Variants in TMEM132D observed in about 807,000 individuals in gnomAD.
TMEM132D encodes mature OL transmembrane protein.
Under a neutral mutation model 62.3 loss-of-function variants are expected in TMEM132D, and 21 were observed. That is an observed-to-expected ratio of 0.34 (90% CI 0.24 to 0.49). TMEM132D has a LOEUF of 0.49. Among genes scored for constraint, TMEM132D ranks in the 20% least tolerant of loss-of-function variants. TMEM132D has a pLI of 0.99. For missense variants in TMEM132D, 1,346 were observed against 1,402.8 expected (o/e 0.96, Z 0.65); for synonymous variants, 621 against 575.6 (o/e 1.08, Z -1.13).
In TMEM132D at chr12:129,861,941, A is replaced by G. The variant is rs975364735; in HGVS notation, c.79+41320T>C. ...ACCCAGACCCAAGACTCTTGACTTA[A>G]CTGCTCCTGTAGCCACACCCAACAC... On this transcript the variant is annotated intron_variant, in intron 1 of 8. Coordinates refer to ENST00000422113, the MANE Select transcript of TMEM132D (RefSeq NM_133448.3). 3.9e-5 allele frequency among the ~76,000 whole-genome samples: 6 copies of G among 151,976 alleles called. No individual in the cohort carries two copies. The South Asian group carries it at 8.3e-4, about 21-fold the overall frequency.
At chr12:129,591,805 G>T (rs574279080) in intron 2 of TMEM132D, among the ~76,000 whole-genome samples, 1 of 152,012 alleles carries the variant, frequency 6.6e-6, no homozygotes, top group African/African-American at 2.4e-5. Context: ...GAAGAATTTT[G>T]AGTTTGAGAG....
Position 129,074,519 on chromosome 12 carries a change from T to C in TMEM132D, c.2656A>G (p.Thr886Ala). 4 of 1,614,046 alleles carry C rather than the reference T, an allele frequency of 2.5e-6. No homozygotes were observed. The highest frequency in any genetic ancestry group is 3.4e-6 in the Non-Finnish European group (4 of 1,180,012). ...SHLQTIPSDL[T>A]SFPAQVDLPR... Reference sequence around the variant, plus strand: ...AGGTCCACCTGGGCTGGGAAGCTGGTGAGGTCGCTGGGGATGGTCTGCAAG... The same window carrying C: ...AGGTCCACCTGGGCTGGGAAGCTGGCGAGGTCGCTGGGGATGGTCTGCAAG... Residue 886 changes from threonine (T) to alanine (A), a missense_variant, in exon 9 of 9, where the codon ACC (threonine) becomes GCC (alanine). Transcript: ENST00000422113.
intron 1 of TMEM132D, among the ~76,000 whole-genome samples, chr12:129,864,928 A>G (rs1432448048): frequency 2.0e-5 from 3 of 152,204 alleles, no homozygotes; most frequent in African/African-American, 7.2e-5. Context: ...GTCGTGCAAG[A>G]TGGGTCCACA....
intron 1 of TMEM132D, among the ~76,000 whole-genome samples, chr12:129,802,722 C>T (rs985887865): frequency 1.3e-5 from 2 of 150,874 alleles, no homozygotes; most frequent in Admixed American, 1.3e-4. Context: ...CTAAATGCTC[C>T]AATTAAAAGA....
chr12:129,271,954 T>A (rs1880864366), intron 4 of TMEM132D, among the ~76,000 whole-genome samples: 1 of 151,864 alleles, frequency 6.6e-6, no homozygotes, highest in Non-Finnish European at 1.5e-5. Flanking sequence ...TTAAACAGTA[T>A]TTCTGGTTCT....
At chr12:129,270,639 T>C (rs1880828951) in intron 4 of TMEM132D, among the ~76,000 whole-genome samples, 1 of 152,142 alleles carries the variant, frequency 6.6e-6, no homozygotes, top group African/African-American at 2.4e-5. Flanking sequence ...CAGTCAAAGT[T>C]CCATATTGTG....
At chr12:129,114,976 C>T (rs916506685) in intron 5 of TMEM132D, among the ~76,000 whole-genome samples, 1 of 152,162 alleles carries the variant, frequency 6.6e-6, no homozygotes, top group Non-Finnish European at 1.5e-5. Context: ...ATAATGCTGC[C>T]ATGAACCATC....
At chr12:129,562,818 A>AG (rs1282213154) in intron 2 of TMEM132D, among the ~76,000 whole-genome samples, 5 of 152,162 alleles carry the variant, frequency 3.3e-5, no homozygotes, top group Non-Finnish European at 7.3e-5. Context: ...TTCCACCTGG[A>AG]GAAACCCCGT....
At chr12:129,569,531 C>A (rs1877455188) in intron 2 of TMEM132D, among the ~76,000 whole-genome samples, 1 of 152,080 alleles carries the variant, frequency 6.6e-6, no homozygotes, top group African/African-American at 2.4e-5. Context: ...GAGGCAAAGG[C>A]AAATAAAGGC....
At chr12:129,114,604 T>C (rs1418475311) in intron 5 of TMEM132D, among the ~76,000 whole-genome samples, 1 of 152,202 alleles carries the variant, frequency 6.6e-6, no homozygotes, top group Non-Finnish European at 1.5e-5. Flanking sequence ...ACAAACTTAC[T>C]TCATGCAGAC....
At chr12:129,754,575 G>A (rs990133746) in intron 1 of TMEM132D, among the ~76,000 whole-genome samples, 1 of 152,176 alleles carries the variant, frequency 6.6e-6, no homozygotes, top group Non-Finnish European at 1.5e-5. Context: ...GGTTAGTCAT[G>A]GCTGAGATCA....
At chr12:129,843,010 A>C (rs1685698584) in intron 1 of TMEM132D, among the ~76,000 whole-genome samples, 1 of 152,238 alleles carries the variant, frequency 6.6e-6, no homozygotes, top group Non-Finnish European at 1.5e-5. Flanking sequence ...TCAGCAAATA[A>C]TAGTACTGTT....
intron 4 of TMEM132D, among the ~76,000 whole-genome samples, chr12:129,281,832 C>T (rs1227172500): frequency 6.7e-6 from 1 of 149,630 alleles, no homozygotes; most frequent in South Asian, 2.1e-4. Flanking sequence ...TTATGGCTCC[C>T]TCAAACCTCC....
At chr12:129,874,222 C>T (rs1424554486) in intron 1 of TMEM132D, among the ~76,000 whole-genome samples, 1 of 152,142 alleles carries the variant, frequency 6.6e-6, no homozygotes, top group Admixed American at 6.5e-5. Flanking sequence ...GACTTATCCA[C>T]TCCACAATGT....
intron 4 of TMEM132D, among the ~76,000 whole-genome samples, chr12:129,218,519 T>C (rs888579100): frequency 6.6e-6 from 1 of 152,134 alleles, no homozygotes; most frequent in African/African-American, 2.4e-5. Context: ...TTTGTGTATC[T>C]CAACATAGAA....
intron 1 of TMEM132D, among the ~76,000 whole-genome samples, chr12:129,798,485 CTT>C (rs754757396): frequency 1.3e-5 from 2 of 152,216 alleles, no homozygotes; most frequent in Non-Finnish European, 2.9e-5. Context: ...TTTTTATAAA[CTT>C]AACTATATGA....
At chr12:129,530,990 G>GAGAAAA in intron 3 of TMEM132D, 69 bp downstream of exon 3, 4 of 1,267,186 alleles carry the variant, frequency 3.2e-6, no homozygotes, top group Admixed American at 2.6e-5. Context: ...AGCAATCTAG[G>GAGAAAA]AAAAAAAAAA....
At chr12:129,528,983 TCA>T (rs1876137567) in intron 3 of TMEM132D, among the ~76,000 whole-genome samples, 1 of 152,264 alleles carries the variant, frequency 6.6e-6, no homozygotes, top group South Asian at 2.1e-4. Flanking sequence ...CATACCTATA[TCA>T]CATATATGTG....
At chr12:129,221,268 G>T (rs1879338822) in intron 4 of TMEM132D, among the ~76,000 whole-genome samples, 1 of 152,188 alleles carries the variant, frequency 6.6e-6, no homozygotes. Flanking sequence ...CATTAGCCTG[G>T]TTACCTGAGT....
Sources: gnomAD v4.1 joint callset for allele counts (sites outside exome capture counted in the v4.1 genomes callset) on GRCh38, gnomAD v4.1.1 for gene constraint, MANE v1.5 for transcripts, NCBI Gene and HGNC (gene_info 2026-07-23, HGNC 2026-07-21) for gene names.